FREM3: variants seen among roughly 807,000 people sequenced by gnomAD.
FREM3 encodes FRAS1 related extracellular matrix 3.
FREM3 carries 105 observed loss-of-function variants against 129.1 expected under a neutral mutation model. The ratio of observed to expected loss-of-function variants is 0.81; its 90% CI spans 0.69 to 0.96. The LOEUF is 0.96. FREM3 is among the 40% of genes least tolerant of loss of function. The pLI is 0.00. For synonymous variants in FREM3, 1,014 were observed against 1,044.9 expected (o/e 0.97, Z 0.57); for missense variants, 2,593 against 2,666.3 (o/e 0.97, Z 0.61).
At chr4:143,600,408 C>T (rs1325326897) in intron 6 of FREM3, among the ~76,000 whole-genome samples, 2 of 152,064 alleles carry the variant, frequency 1.3e-5, no homozygotes, top group African/African-American at 4.8e-5. Flanking sequence ...ACCAAAATCT[C>T]AAAAATCACC....
At position 143,696,457 on chromosome 4, in the gene FREM3, C is replaced by A; in HGVS notation, c.4219G>T (p.Val1407Phe). The change falls in exon 1 of 8, where the codon GTT becomes TTT. Residue 1407 changes from valine to phenylalanine, a missense_variant. Physicochemically the swap from Val to Phe is conservative, Grantham distance 50 (BLOSUM62 -1). Transcript: ENST00000329798. ...AAGTAGTGGTCTGTCAAAGTGTTAA[C>A]CCCATCAGTAACATCAAACTTGATA... is the stretch of plus-strand genomic sequence containing the variant. ...DIIKFDVTDGVNTLTDHYFYV... is the reference protein window; with the variant it reads ...DIIKFDVTDGFNTLTDHYFYV... 1.3e-6 allele frequency: 2 copies of A among 1,537,712 alleles called. No individual in the cohort carries two copies. Among genetic ancestry groups the A allele is most frequent in the Non-Finnish European group, 1.7e-6 (2 of 1,147,014 alleles).
intron 2 of FREM3, among the ~76,000 whole-genome samples, chr4:143,673,044 C>G (rs573960671): frequency 6.6e-6 from 1 of 152,180 alleles, no homozygotes; most frequent in African/African-American, 2.4e-5. Context: ...CGAACTTCCT[C>G]CTTTAGCTCG....
chr4:143,695,592 C>T lies in FREM3; in HGVS notation c.5084G>A (p.Ser1695Asn). ...TTTATACTTCAGAAGCCTGTGGGGA[C>T]TGTCCTGATCTTCTGCCTTCAGAGA... ...SKSLKAEDQD[S>N]PHRLLKYKVT... is the part of the protein sequence containing the mutation. The change falls in exon 1 of 8, where the codon AGT becomes AAT. Residue 1695 changes from serine to asparagine, a missense_variant. Physicochemically the swap from Ser to Asn is conservative, Grantham distance 46. This residue lies in a region of FREM3 where 2,276 missense variants were observed against 2,267.2 expected (regional missense o/e 1.00). Transcript: ENST00000329798. 6.5e-7 allele frequency: 1 copy of T among 1,537,360 alleles called. No individual in the cohort carries two copies. Among genetic ancestry groups the T allele is most frequent in the Non-Finnish European group, 8.7e-7 (1 of 1,146,942 alleles).
rs1450245 is a variant in FREM3, at chr4:143,653,947, G to T, written c.5276-26187C>A. 5.3e-5 allele frequency among the ~76,000 whole-genome samples: 8 copies of T among 152,160 alleles called. No individual in the cohort carries two copies. In the South Asian group the frequency reaches 8.3e-4, roughly 16 times the overall value. On this transcript the variant is annotated intron_variant, in intron 2 of 7. Coordinates refer to ENST00000329798, the MANE Select transcript of FREM3 (RefSeq NM_001168235.2). Reference sequence around the variant, plus strand: ...TACCAGAATGAAACATGAGAAAAAAGTTTTTTAAATTAAGTTCTTTTCAGT... The same window carrying T: ...TACCAGAATGAAACATGAGAAAAAATTTTTTTAAATTAAGTTCTTTTCAGT...
chr4:143,673,717 C>T (rs1348512162), intron 2 of FREM3, among the ~76,000 whole-genome samples: 2 of 152,254 alleles, frequency 1.3e-5, no homozygotes, highest in Non-Finnish European at 2.9e-5. Context: ...AGGCAGGCCT[C>T]CTTGAGCTTT....
intron 2 of FREM3, among the ~76,000 whole-genome samples, chr4:143,630,879 T>A (rs897545077): frequency 1.4e-4 from 22 of 152,256 alleles, no homozygotes; most frequent in African/African-American, 4.8e-4. Context: ...CTTAATAAAA[T>A]TAACCTTAGA....
At position 143,698,624 on chromosome 4, in the gene FREM3, A is replaced by AT; in HGVS notation, c.2051dup (p.Asn684LysfsTer49). On this transcript the variant is annotated frameshift_variant, in exon 1 of 8. Transcript: ENST00000329798. LOFTEE classifies it high-confidence loss of function. ...TGGTGAAAATGTGCTGTTTGGAGAGATTGGGTGGGTCATGGTCATCCTGCA... is the reference window on the plus strand; with the variant it reads ...TGGTGAAAATGTGCTGTTTGGAGAGATTTGGGTGGGTCATGGTCATCCTGCA... 3.3e-6 allele frequency: 5 copies of AT among 1,537,650 alleles called. No individual in the cohort carries two copies. Among genetic ancestry groups the AT allele is most frequent in the Non-Finnish European group, 4.4e-6 (5 of 1,147,004 alleles).
chr4:143,589,446 G>A (rs1467760208), intron 6 of FREM3, among the ~76,000 whole-genome samples: 1 of 152,110 alleles, frequency 6.6e-6, no homozygotes, highest in Admixed American at 6.5e-5. Context: ...TCCAGTTTCA[G>A]CTTTCTACAT....
At chr4:143,644,045 C>T (rs2149846855) in intron 2 of FREM3, among the ~76,000 whole-genome samples, 1 of 152,188 alleles carries the variant, frequency 6.6e-6, no homozygotes, top group East Asian at 1.9e-4. Context: ...TATGCTGCTG[C>T]ATAATTTAAC....
rs1345707634 is a variant in FREM3, at chr4:143,669,758, A to T, written c.5275+23355T>A. 2.6e-5 allele frequency among the ~76,000 whole-genome samples: 4 copies of T among 151,964 alleles called. No homozygotes were observed. In the South Asian group the frequency reaches 8.3e-4, roughly 31 times the overall value. On this transcript the variant is annotated intron_variant, in intron 2 of 7. Transcript: ENST00000329798. ...TGTTTGCCTATAGTTTTTGCTTTAA[A>T]TTAAATGTCTTTTGCATTCTACAGA...
intron 2 of FREM3, among the ~76,000 whole-genome samples, chr4:143,680,294 A>G (rs975361903): frequency 1.3e-5 from 2 of 151,406 alleles, no homozygotes; most frequent in East Asian, 3.9e-4. Context: ...ATATCTATCT[A>G]TATATATCAC....
At chr4:143,670,827 C>T (rs938950394) in intron 2 of FREM3, among the ~76,000 whole-genome samples, 1 of 151,892 alleles carries the variant, frequency 6.6e-6, no homozygotes, top group African/African-American at 2.4e-5. Flanking sequence ...TAGGTTTTTG[C>T]ATGATCACAC....
intron 4 of FREM3, among the ~76,000 whole-genome samples, chr4:143,623,176 G>A (rs1334218747): frequency 1.3e-5 from 2 of 152,140 alleles, no homozygotes; most frequent in Non-Finnish European, 2.9e-5. Context: ...AATTAAATGG[G>A]TTTCTTTATA....
At position 143,693,101 on chromosome 4, in the gene FREM3, AT is replaced by A. The variant is rs547770398; in HGVS notation, c.5275+11del. ...AACCATGAATCCTTTTGAAGGGTTT[AT>A]TATGACTTACCATTGTCTTCAACAG... On this transcript the variant is annotated intron_variant, in intron 2 of 7. Coordinates refer to ENST00000329798, the MANE Select transcript of FREM3 (RefSeq NM_001168235.2). 1.4e-6 allele frequency: 2 copies of A among 1,384,856 alleles called. No homozygotes were observed. Among genetic ancestry groups the A allele is most frequent in the Non-Finnish European group, 1.9e-6 (2 of 1,032,428 alleles). 85.8% of individuals were successfully genotyped at this position (1,384,856 alleles called of 1,614,324 possible).
rs1279884058 is a variant in FREM3 at position 143,697,852 on chromosome 4, T to G, written c.2824A>C (p.Ser942Arg). 1.0e-5 allele frequency: 16 copies of G among 1,537,860 alleles called. No homozygotes were observed. In the Admixed American group the frequency reaches 2.5e-4, roughly 24 times the overall value. ...CTACTTCTGAGAGAGATCCTAGGAC[T>G]TCTGTTAGCCACATTGGGATGCACA... ...ISVHPNVANRSPRISLRSSSL... is the reference protein window; with the variant it reads ...ISVHPNVANRRPRISLRSSSL... Residue 942 changes from serine to arginine, a missense_variant, in exon 1 of 8, where the codon AGT becomes CGT. Ser to Arg is a moderately radical substitution (Grantham distance 110). Transcript: ENST00000329798.
chr4:143,654,774 C>T (rs1176161631), intron 2 of FREM3, among the ~76,000 whole-genome samples: 1 of 152,042 alleles, frequency 6.6e-6, no homozygotes, highest in African/African-American at 2.4e-5. Flanking sequence ...AATTCTTGCC[C>T]AAGGAAAGGG....
chr4:143,602,876 T>C (rs1208539170), intron 6 of FREM3, among the ~76,000 whole-genome samples: 2 of 152,186 alleles, frequency 1.3e-5, no homozygotes, highest in African/African-American at 4.8e-5. Context: ...TGTTTCTAGC[T>C]ATCTTAAGAC....
intron 2 of FREM3, among the ~76,000 whole-genome samples, chr4:143,663,495 T>G (rs936765060): frequency 2.0e-5 from 3 of 152,142 alleles, no homozygotes; most frequent in Non-Finnish European, 4.4e-5. Context: ...AACCCGACCT[T>G]GCTCTCTGGC....
At chr4:143,616,918 T>C (rs2149840357) in intron 5 of FREM3, among the ~76,000 whole-genome samples, 1 of 152,324 alleles carries the variant, frequency 6.6e-6, no homozygotes. Context: ...TACTACGCAG[T>C]TCTTTTTAAC....
Sources: gnomAD v4.1 joint callset for allele counts (sites outside exome capture counted in the v4.1 genomes callset) on GRCh38, gnomAD v4.1.1 for gene constraint, gnomAD v4.1.1 regional missense constraint, MANE v1.5 for transcripts, NCBI Gene and HGNC (gene_info 2026-07-23, HGNC 2026-07-21) for gene names.